GRM7: variants seen among roughly 807,000 people sequenced by gnomAD.
The protein encoded by GRM7 is metabotropic glutamate receptor 7.
In GRM7, 35 loss-of-function variants were observed where a neutral mutation model predicts 84.5. The ratio of observed to expected loss-of-function variants is 0.41; its 90% CI spans 0.32 to 0.55. The LOEUF (loss-of-function observed/expected upper bound fraction) is 0.55, where lower values mean the gene tolerates loss of function less well. Ranked by LOEUF, GRM7 falls within the 20% of genes least tolerant of loss-of-function variation. The pLI is 0.19. For missense variants in GRM7, 1,003 were observed against 1,194.6 expected (o/e 0.84, Z 2.36); for synonymous variants, 487 against 455.1 (o/e 1.07, Z -0.89).
intron 9 of GRM7, among the ~76,000 whole-genome samples, chr3:7,736,812 T>C (rs755518460): frequency 1.3e-5 from 2 of 152,212 alleles, no homozygotes; most frequent in Non-Finnish European, 2.9e-5. Flanking sequence ...TTTTGGATGT[T>C]TAAATCACTT....
At chr3:7,547,075 G>A (rs1006926845) in intron 7 of GRM7, among the ~76,000 whole-genome samples, 1 of 152,000 alleles carries the variant, frequency 6.6e-6, no homozygotes, top group Non-Finnish European at 1.5e-5. Context: ...ACTAGGACGG[G>A]AGGGCTCCAT....
rs188857888 is a variant in GRM7 at position 7,640,370 on chromosome 3, G to C, written c.2452-39679G>C. On this transcript the variant is annotated intron_variant, in intron 8 of 9. Coordinates refer to ENST00000357716, the MANE Select transcript of GRM7 (RefSeq NM_000844.4). The stretch of plus-strand genomic sequence containing the variant: ...ATATCTATGGCACTTTATATTCTGT[G>C]AGAATTAATAGCAAAGGCTCAGTGC... Among the ~76,000 whole-genome samples the C allele has an allele frequency of 7.9e-5, 12 of 152,310 alleles. No individual in the cohort carries two copies. In the East Asian group the frequency reaches 2.3e-3, roughly 29 times the overall value.
chr3:7,701,964 G>T (rs1355520382), intron 9 of GRM7, among the ~76,000 whole-genome samples: 1 of 152,168 alleles, frequency 6.6e-6, no homozygotes, highest in Non-Finnish European at 1.5e-5. Context: ...ATACAATGGA[G>T]TTTCAATGCA....
intron 4 of GRM7, among the ~76,000 whole-genome samples, chr3:7,364,411 A>G (rs552728780): frequency 2.6e-5 from 4 of 151,748 alleles, no homozygotes; most frequent in Non-Finnish European, 5.9e-5. Flanking sequence ...GCCTATCTGG[A>G]TGTCTAAAAA....
At chr3:7,701,550 G>T (rs912645432) in intron 9 of GRM7, among the ~76,000 whole-genome samples, 2 of 151,976 alleles carry the variant, frequency 1.3e-5, no homozygotes, top group Non-Finnish European at 2.9e-5. Context: ...TGATCCACTC[G>T]CCTCGGCCCC....
At chr3:6,944,182 C>G (rs1003593900) in intron 1 of GRM7, among the ~76,000 whole-genome samples, 1 of 151,980 alleles carries the variant, frequency 6.6e-6, no homozygotes, top group African/African-American at 2.4e-5. Context: ...CTTTTAGTCT[C>G]ATTGCATGGG....
intron 2 of GRM7, among the ~76,000 whole-genome samples, chr3:7,255,566 A>G (rs182451695): frequency 1.0e-3 from 159 of 152,340 alleles, no homozygotes; most frequent in Non-Finnish European, 1.8e-3. Context: ...ATTTGCTTCC[A>G]AATTTTCAGA....
chr3:7,314,880 G>T (rs1700528473), intron 4 of GRM7, among the ~76,000 whole-genome samples: 1 of 151,994 alleles, frequency 6.6e-6, no homozygotes, highest in Non-Finnish European at 1.5e-5. Context: ...TTATGATGTA[G>T]TAGCTCTAGA....
In GRM7 at chr3:7,441,780, A is replaced by T. The variant is rs151097397; in HGVS notation, c.1175-10827A>T. ...TTTTGTCACCTTTGTCAAAGATCAGATGGCTGTAAGTGTGCAGCTTTATTT... is the reference window on the plus strand; with the variant it reads ...TTTTGTCACCTTTGTCAAAGATCAGTTGGCTGTAAGTGTGCAGCTTTATTT... On this transcript the variant is annotated intron_variant, in intron 5 of 9. Coordinates refer to ENST00000357716, the MANE Select transcript of GRM7 (RefSeq NM_000844.4). Among the ~76,000 whole-genome samples, 438 of 152,238 alleles carry T rather than the reference A, an allele frequency of 2.9e-3. 3 individuals carry two copies. Among genetic ancestry groups the T allele is most frequent in the East Asian group, 0.01 (53 of 5,180 alleles).
At chr3:7,411,666 A>G (rs1323254262) in intron 4 of GRM7, among the ~76,000 whole-genome samples, 3 of 152,198 alleles carry the variant, frequency 2.0e-5, no homozygotes, top group African/African-American at 7.2e-5. Flanking sequence ...TGAGATTCAT[A>G]CATGTTTTTG....
At chr3:7,315,553 C>G (rs1342685788) in intron 4 of GRM7, among the ~76,000 whole-genome samples, 1 of 152,122 alleles carries the variant, frequency 6.6e-6, no homozygotes, top group Non-Finnish European at 1.5e-5. Context: ...TAAACTTTGT[C>G]CATCCTTCAG....
At chr3:7,100,203 T>C (rs888353421) in intron 1 of GRM7, among the ~76,000 whole-genome samples, 97 of 151,554 alleles carry the variant, frequency 6.4e-4, no homozygotes, top group African/African-American at 2.3e-3. Flanking sequence ...ACTTTTATGT[T>C]TCTTGTGCAC....
intron 9 of GRM7, among the ~76,000 whole-genome samples, chr3:7,698,961 T>C (rs939364350): frequency 2.0e-5 from 3 of 152,146 alleles, no homozygotes; most frequent in Admixed American, 1.3e-4. Flanking sequence ...GCAGAAAAGA[T>C]AATATGCAGA....
chr3:7,462,211 C>A (rs560251502), intron 7 of GRM7, among the ~76,000 whole-genome samples: 24 of 152,200 alleles, frequency 1.6e-4, no homozygotes, highest in Non-Finnish European at 3.4e-4. Flanking sequence ...TAAAATGTGA[C>A]CTAAGTAAGC....
chr3:7,363,326 A>T (rs1190481434), intron 4 of GRM7, among the ~76,000 whole-genome samples: 1 of 152,064 alleles, frequency 6.6e-6, no homozygotes, highest in Non-Finnish European at 1.5e-5. Flanking sequence ...AGATCATGAG[A>T]TCACAAGAAG....
At chr3:7,087,009 A>G (rs959230813) in intron 1 of GRM7, among the ~76,000 whole-genome samples, 4 of 152,196 alleles carry the variant, frequency 2.6e-5, no homozygotes, top group Non-Finnish European at 5.9e-5. Flanking sequence ...CATTTCCTGG[A>G]TAAGGCTATG....
At chr3:7,016,708 C>G (rs1337252373) in intron 1 of GRM7, among the ~76,000 whole-genome samples, 2 of 152,208 alleles carry the variant, frequency 1.3e-5, no homozygotes, top group South Asian at 2.1e-4. Context: ...ATAAAACCAC[C>G]TTTATTAAAT....
At chr3:7,693,772 A>AC (rs1190555522) in intron 9 of GRM7, 3 of 794,518 alleles carry the variant, frequency 3.8e-6, no homozygotes, top group Non-Finnish European at 6.2e-6. Context: ...AGTGAAAGAG[A>AC]CCTTATCCTG....
chr3:7,436,546 C>T lies in GRM7; in HGVS notation c.1175-16061C>T, dbSNP rs148009011. 3.1e-3 allele frequency among the ~76,000 whole-genome samples: 467 copies of T among 152,278 alleles called. 1 individual carries two copies. The highest frequency in any genetic ancestry group is 4.7e-3 in the Non-Finnish European group (321 of 68,034). On this transcript the variant is annotated intron_variant, in intron 5 of 9. Coordinates refer to ENST00000357716, the MANE Select transcript of GRM7 (RefSeq NM_000844.4). Reference sequence around the variant, plus strand: ...CCTTCATTTTTTCATTATATAACAACTAATGCTACAAATTTTCCTGTTTTC... The same window carrying T: ...CCTTCATTTTTTCATTATATAACAATTAATGCTACAAATTTTCCTGTTTTC...
Sources: gnomAD v4.1 joint callset for allele counts (sites outside exome capture counted in the v4.1 genomes callset) on GRCh38, gnomAD v4.1.1 for gene constraint, MANE v1.5 for transcripts, NCBI Gene and HGNC (gene_info 2026-07-23, HGNC 2026-07-21) for gene names.